PUM2: variants seen among roughly 807,000 people sequenced by gnomAD.
PUM2 encodes the protein pumilio homolog 2.
A neutral mutation model predicts 124.5 loss-of-function variants in PUM2; 57 were observed. That is an observed-to-expected ratio of 0.46 (90% CI 0.37 to 0.57). The LOEUF (loss-of-function observed/expected upper bound fraction) is 0.57, where lower values mean the gene tolerates loss of function less well. Ranked by LOEUF, PUM2 falls within the 20% of genes least tolerant of loss-of-function variation. The pLI, the probability that PUM2 is intolerant of heterozygous loss-of-function variation, is 0.00. For missense variants in PUM2, 1,065 were observed against 1,290.6 expected (o/e 0.83, Z 2.68); for synonymous variants, 460 against 446.1 (o/e 1.03, Z -0.39).
chr2:20,330,403 G>C (rs1684661564), intron 1 of PUM2, among the ~76,000 whole-genome samples: 1 of 152,196 alleles, frequency 6.6e-6, no homozygotes, highest in Admixed American at 6.5e-5. Context: ...CCATCCTTTT[G>C]ATTAGAGAGT....
chr2:20,312,821 C>T (rs913937484), intron 3 of PUM2, among the ~76,000 whole-genome samples: 2 of 152,132 alleles, frequency 1.3e-5, no homozygotes, highest in Non-Finnish European at 2.9e-5. Flanking sequence ...TCAAACTATA[C>T]TACAAGGCTA....
chr2:20,271,484 T>C (rs1450774180), intron 13 of PUM2, among the ~76,000 whole-genome samples: 1 of 152,054 alleles, frequency 6.6e-6, no homozygotes, highest in Non-Finnish European at 1.5e-5. Context: ...CGGCTAATTT[T>C]TGTATTTTTA....
At chr2:20,329,284 T>C (rs1368957687) in intron 1 of PUM2, among the ~76,000 whole-genome samples, 1 of 150,776 alleles carries the variant, frequency 6.6e-6, no homozygotes, top group Non-Finnish European at 1.5e-5. Flanking sequence ...ATACAAAAAT[T>C]AGCCTGTTTC....
Position 20,261,394 on chromosome 2 carries a change from C to CAAAAAAAAAAAAAA in PUM2, c.2226-942_2226-929dup, listed in dbSNP as rs200294801. Reference sequence around the variant, plus strand: ...AAGCGACAGAGTGAGACTCTGTCTCCAAAAAAAAAAAAAAAAAAAAAAAAA... The same window carrying CAAAAAAAAAAAAAA: ...AAGCGACAGAGTGAGACTCTGTCTCCAAAAAAAAAAAAAAAAAAAAAAAAAAAAAAAAAAAAAAA... On this transcript the variant is annotated intron_variant, in intron 14 of 20. Transcript: ENST00000361078. Among the ~76,000 whole-genome samples the CAAAAAAAAAAAAAA allele has an allele frequency of 1.9e-3, 147 of 76,728 alleles. 37 individuals are homozygous for CAAAAAAAAAAAAAA. Among genetic ancestry groups the CAAAAAAAAAAAAAA allele is most frequent in the Non-Finnish European group, 2.5e-3 (91 of 36,882 alleles). 50.3% of individuals were successfully genotyped at this position (76,728 alleles called of 152,430 possible).
chr2:20,254,119 T>A, intron 19 of PUM2, 105 bp from the exon 20 acceptor site: 1 of 951,590 alleles, frequency 1.1e-6, no homozygotes, highest in Non-Finnish European at 1.5e-6. Flanking sequence ...AAAACAGAAG[T>A]CAGGATGGGA....
At chr2:20,317,416 G>C (rs1038407037) in intron 3 of PUM2, among the ~76,000 whole-genome samples, 1 of 152,034 alleles carries the variant, frequency 6.6e-6, no homozygotes, top group Non-Finnish European at 1.5e-5. Context: ...CCTGGGTGTG[G>C]CAAATATCTA....
At chr2:20,299,688 T>G (rs1398857467) in intron 7 of PUM2, among the ~76,000 whole-genome samples, 1 of 151,962 alleles carries the variant, frequency 6.6e-6, no homozygotes, top group Non-Finnish European at 1.5e-5. Flanking sequence ...AACAACAACA[T>G]GGTTTTAGAG....
intron 3 of PUM2, among the ~76,000 whole-genome samples, chr2:20,314,977 A>AG (rs1250492335): frequency 1.4e-5 from 2 of 143,648 alleles, no homozygotes; most frequent in African/African-American, 5.1e-5. Flanking sequence ...AAATTTAAGG[A>AG]AAAAAAAAAA....
chr2:20,285,508 G>C (rs1410216297), intron 10 of PUM2, among the ~76,000 whole-genome samples: 2 of 152,102 alleles, frequency 1.3e-5, no homozygotes, highest in Non-Finnish European at 2.9e-5. Flanking sequence ...GGGAAAAATG[G>C]GGGTTCAAAC....
chr2:20,303,993 T>C (rs1160708397), intron 7 of PUM2, among the ~76,000 whole-genome samples: 2 of 152,064 alleles, frequency 1.3e-5, no homozygotes, highest in Non-Finnish European at 2.9e-5. Flanking sequence ...TGATCCTTCT[T>C]TGTACTGTCA....
chr2:20,336,050 C>T (rs761898317), intron 1 of PUM2, among the ~76,000 whole-genome samples: 11 of 152,220 alleles, frequency 7.2e-5, no homozygotes, highest in Non-Finnish European at 1.6e-4. Flanking sequence ...AAGATCTACA[C>T]ACTAAACAGC....
At chr2:20,311,204 G>A (rs1283344160) in intron 5 of PUM2, among the ~76,000 whole-genome samples, 1 of 151,828 alleles carries the variant, frequency 6.6e-6, no homozygotes, top group Non-Finnish European at 1.5e-5. Flanking sequence ...TTAACAGAGA[G>A]GAAAAAGTTC....
chr2:20,339,668 T>A (rs944935150), intron 1 of PUM2, among the ~76,000 whole-genome samples: 1 of 152,052 alleles, frequency 6.6e-6, no homozygotes, highest in Non-Finnish European at 1.5e-5. Flanking sequence ...CCACCTGAGG[T>A]CAGGAGTTCA....
chr2:20,253,036 A>G (rs896960934), intron 20 of PUM2, among the ~76,000 whole-genome samples: 2 of 152,210 alleles, frequency 1.3e-5, no homozygotes, highest in Non-Finnish European at 2.9e-5. Context: ...ATTTTATATA[A>G]GGGACTTGAG....
At chr2:20,278,874 C>A in intron 12 of PUM2, 55 bp from the exon 13 acceptor site, 1 of 1,285,658 alleles carries the variant, frequency 7.8e-7, no homozygotes, top group South Asian at 1.3e-5. Flanking sequence ...TGAATAAAAT[C>A]TATCCCCAAC....
intron 9 of PUM2, among the ~76,000 whole-genome samples, chr2:20,293,638 G>C (rs1674775640): frequency 6.6e-6 from 1 of 152,098 alleles, no homozygotes; most frequent in Admixed American, 6.6e-5. Flanking sequence ...TGAACCTGGG[G>C]TGGAAGTTGC....
chr2:20,313,668 A>C (rs529138548), intron 3 of PUM2, among the ~76,000 whole-genome samples: 1 of 151,822 alleles, frequency 6.6e-6, no homozygotes, highest in Non-Finnish European at 1.5e-5. Context: ...CATCTCTACA[A>C]AAAGTTTAAA....
At position 20,260,320 on chromosome 2, in the gene PUM2, T is replaced by C. The variant is rs748719609; in HGVS notation, c.2355+17A>G. On this transcript the variant is annotated intron_variant, in intron 15 of 20. Coordinates refer to ENST00000361078, the MANE Select transcript of PUM2 (RefSeq NM_015317.5). ...ACAGCTGGATGGGCGGATATACAAA[T>C]ATGCATGAATCCTTACCTCAAAAAA... The C allele has an allele frequency of 2.1e-5, 33 of 1,595,148 alleles. No homozygotes were observed. In the South Asian group the frequency reaches 3.5e-4, roughly 17 times the overall value.
chr2:20,331,526 C>T (rs1684903360), intron 1 of PUM2, among the ~76,000 whole-genome samples: 2 of 149,436 alleles, frequency 1.3e-5, no homozygotes, highest in South Asian at 4.2e-4. Context: ...AGATTAAGTA[C>T]TTCTAATCTA....
Sources: gnomAD v4.1 joint callset for allele counts (sites outside exome capture counted in the v4.1 genomes callset) on GRCh38, gnomAD v4.1.1 for gene constraint, MANE v1.5 for transcripts, NCBI Gene and HGNC (gene_info 2026-07-23, HGNC 2026-07-21) for gene names.